The following TRPM3 variants were observed in gnomAD, a reference collection of about 807,000 sequenced individuals.
TRPM3 encodes the protein transient receptor potential cation channel subfamily M member 3.
A neutral mutation model predicts 181.2 loss-of-function variants in TRPM3; 77 were observed. That is an observed-to-expected ratio of 0.42 (90% CI 0.35 to 0.51). TRPM3 has a LOEUF of 0.51. Among genes scored for constraint, TRPM3 ranks in the 20% least tolerant of loss-of-function variants. The pLI is 0.01. For missense variants in TRPM3, 1,759 were observed against 2,196.7 expected (o/e 0.80, Z 3.98); for synonymous variants, 745 against 796.4 (o/e 0.94, Z 1.09).
chr9:70,565,080 C>T (rs957792903), intron 22 of TRPM3, among the ~76,000 whole-genome samples: 2 of 152,154 alleles, frequency 1.3e-5, no homozygotes, highest in Non-Finnish European at 2.9e-5. Context: ...GTCCACATTC[C>T]GCTTAGAATC....
intron 1 of TRPM3, among the ~76,000 whole-genome samples, chr9:71,291,872 T>G (rs2085845174): frequency 6.6e-6 from 1 of 152,094 alleles, no homozygotes; most frequent in South Asian, 2.1e-4. Flanking sequence ...GACTTCATAT[T>G]TTTCTCAAGT....
chr9:70,837,020 G>C (rs958596684), intron 5 of TRPM3, among the ~76,000 whole-genome samples: 6 of 152,172 alleles, frequency 3.9e-5, no homozygotes, highest in Non-Finnish European at 2.9e-5. Context: ...GTGTGGTCCA[G>C]GCTCAGCAAG....
At position 70,657,550 on chromosome 9, in the gene TRPM3, C is replaced by G. The variant is rs181857428; in HGVS notation, c.1346-16890G>C. 1.6e-4 allele frequency among the ~76,000 whole-genome samples: 24 copies of G among 152,176 alleles called. No individual in the cohort carries two copies. The East Asian group carries it at 4.2e-3, about 27-fold the overall frequency. ...TTGGTAACTGGCCTAACTGGCCTAACAGATTTTATGGTTTATTGAAACAAT... is the reference window on the plus strand; with the variant it reads ...TTGGTAACTGGCCTAACTGGCCTAAGAGATTTTATGGTTTATTGAAACAAT... On this transcript the variant is annotated intron_variant, in intron 9 of 25. Coordinates refer to ENST00000677713, the MANE Select transcript of TRPM3 (RefSeq NM_001366145.2).
At chr9:71,220,227 G>A (rs2080150342) in intron 1 of TRPM3, among the ~76,000 whole-genome samples, 1 of 152,260 alleles carries the variant, frequency 6.6e-6, no homozygotes, top group Non-Finnish European at 1.5e-5. Flanking sequence ...CTCCAAAGGT[G>A]ATATCTAGAC....
intron 1 of TRPM3, among the ~76,000 whole-genome samples, chr9:70,875,828 C>T (rs894361062): frequency 2.6e-5 from 4 of 151,896 alleles, no homozygotes; most frequent in Non-Finnish European, 5.9e-5. Context: ...AACTTATAAG[C>T]AGACAGATCC....
At chr9:71,446,688 T>C in exon 1 of TRPM3, 1 of 1,550,432 alleles carries the variant, frequency 6.4e-7, no homozygotes, top group Non-Finnish European at 8.7e-7. Flanking sequence ...GAGCGTTTGG[T>C]GGACCCCTGC....
chr9:71,200,616 ACCGTTATGTAATGG>A (rs2078717920), intron 1 of TRPM3, among the ~76,000 whole-genome samples: 1 of 151,980 alleles, frequency 6.6e-6, no homozygotes, highest in Non-Finnish European at 1.5e-5. Context: ...TGATCCCTTT[ACCGTTATGTAATGG>A]CCTTCTCTGT....
At chr9:70,783,638 G>C (rs1171083920) in intron 7 of TRPM3, among the ~76,000 whole-genome samples, 2 of 152,112 alleles carry the variant, frequency 1.3e-5, no homozygotes, top group East Asian at 3.9e-4. Context: ...AAGCCTGATG[G>C]CACGATCTAC....
At chr9:71,357,258 C>T (rs563052374) in intron 1 of TRPM3, among the ~76,000 whole-genome samples, 1 of 152,246 alleles carries the variant, frequency 6.6e-6, no homozygotes, top group Non-Finnish European at 1.5e-5. Flanking sequence ...GGTGTTATTT[C>T]TAAAGAAGCA....
At chr9:71,195,694 T>A (rs888932364) in intron 1 of TRPM3, among the ~76,000 whole-genome samples, 10 of 151,824 alleles carry the variant, frequency 6.6e-5, no homozygotes, top group African/African-American at 2.2e-4. Flanking sequence ...ATAGCAAAGA[T>A]ATAGTATCAA....
At chr9:71,073,701 C>G (rs1330486530) in intron 1 of TRPM3, among the ~76,000 whole-genome samples, 1 of 151,662 alleles carries the variant, frequency 6.6e-6, no homozygotes, top group Non-Finnish European at 1.5e-5. Flanking sequence ...AATATTAAAG[C>G]ACAGAGCTTT....
At chr9:70,967,978 G>A (rs1775727007) in intron 1 of TRPM3, among the ~76,000 whole-genome samples, 1 of 152,018 alleles carries the variant, frequency 6.6e-6, no homozygotes, top group African/African-American at 2.4e-5. Context: ...TTAGGGCCCT[G>A]CTCAAGTCAC....
In TRPM3 at chr9:70,618,892, C is replaced by T. The variant is rs142609293; in HGVS notation, c.2333G>A (p.Arg778His). Residue 778 changes from arginine (R) to histidine (H), a missense_variant, in exon 17 of 26, where the codon CGC becomes CAC. Coordinates refer to ENST00000677713, the MANE Select transcript of TRPM3 (RefSeq NM_001366145.2). The part of the protein sequence containing the change: ...LLTDMWMGRL[R>H]MRKNSGLKVI... Reference sequence around the variant, plus strand: ...CTTGAGGCCTGAGTTCTTGCGCATGCGGAGCCGGCCCATCCACATGTCGGT... The same window carrying T: ...CTTGAGGCCTGAGTTCTTGCGCATGTGGAGCCGGCCCATCCACATGTCGGT... The T allele has an allele frequency of 1.9e-5, 31 of 1,608,136 alleles. No homozygotes were observed. Among genetic ancestry groups the T allele is most frequent in the Middle Eastern group, 1.6e-4 (1 of 6,082 alleles).
At chr9:70,888,524 G>A (rs998374680) in intron 1 of TRPM3, among the ~76,000 whole-genome samples, 1 of 152,058 alleles carries the variant, frequency 6.6e-6, no homozygotes, top group East Asian at 1.9e-4. Flanking sequence ...TTTTACTCTT[G>A]AATTTAGTTT....
intron 1 of TRPM3, among the ~76,000 whole-genome samples, chr9:71,013,996 G>A (rs1027598999): frequency 6.6e-5 from 10 of 151,524 alleles, no homozygotes; most frequent in African/African-American, 2.4e-4. Context: ...TCCTTACGGA[G>A]TGTTTTTGGA....
At chr9:70,792,031 T>C (rs564727656) in intron 6 of TRPM3, among the ~76,000 whole-genome samples, 21 of 152,282 alleles carry the variant, frequency 1.4e-4, no homozygotes, top group African/African-American at 4.8e-4. Context: ...TCCTTTAAGC[T>C]GGCCAAAGAG....
chr9:71,379,196 G>A (rs1057225891), intron 1 of TRPM3, among the ~76,000 whole-genome samples: 6 of 151,716 alleles, frequency 4.0e-5, no homozygotes, highest in Admixed American at 6.6e-5. Context: ...AAATATAAAC[G>A]CTTAATCTAT....
chr9:71,292,278 T>C (rs537996471), intron 1 of TRPM3, among the ~76,000 whole-genome samples: 1 of 151,770 alleles, frequency 6.6e-6, no homozygotes, highest in Non-Finnish European at 1.5e-5. Flanking sequence ...AAAGGAGAAT[T>C]GTATTTTAAC....
intron 1 of TRPM3, among the ~76,000 whole-genome samples, chr9:70,969,403 C>G (rs1158462165): frequency 6.6e-6 from 1 of 151,746 alleles, no homozygotes; most frequent in Admixed American, 6.6e-5. Flanking sequence ...GACACAGGTA[C>G]CCCAGCCCTT....
Sources: gnomAD v4.1 joint callset for allele counts (sites outside exome capture counted in the v4.1 genomes callset) on GRCh38, gnomAD v4.1.1 for gene constraint, MANE v1.5 for transcripts, NCBI Gene and HGNC (gene_info 2026-07-23, HGNC 2026-07-21) for gene names.